The following HMGCL variants were observed in gnomAD, a reference collection of about 807,000 sequenced individuals.
The protein encoded by HMGCL is hydroxymethylglutaryl-CoA lyase, mitochondrial.
Under a neutral mutation model 37.3 loss-of-function variants are expected in HMGCL, and 26 were observed. That is an observed-to-expected ratio of 0.70 (90% CI 0.51 to 0.97). The LOEUF (loss-of-function observed/expected upper bound fraction) is 0.97. HMGCL is among the 50% of genes least tolerant of loss of function. The probability of loss-of-function intolerance (pLI) is 0.00; values close to 1 mark genes in which losing one functional copy is unlikely to be tolerated. For synonymous variants in HMGCL, 151 were observed against 148.0 expected (o/e 1.02, Z -0.15); for missense variants, 379 against 398.1 (o/e 0.95, Z 0.41).
At position 23,802,643 on chromosome 1, in the gene HMGCL, A is replaced by G. The variant is rs868115249; in HGVS notation, c.877-79T>C. 5 of 904,658 alleles carry G rather than the reference A, an allele frequency of 5.5e-6. No individual in the cohort carries two copies. The East Asian group carries it at 7.2e-5, about 13-fold the overall frequency. The allele number at this position is 904,658 out of a possible 1,614,324, so 56.0% of individuals were successfully genotyped here. A position where few individuals can be genotyped will look rare whatever the true frequency, so the allele number is the denominator to read the frequency against. ...GGGAAAACATCAGCATGGACAGACA[A>G]CTGTGATACTGAAAAGTAAAGGTGA... On this transcript the variant is annotated intron_variant, in intron 8 of 8. Transcript: ENST00000374490.
chr1:23,807,071 A>G (rs556419692), intron 7 of HMGCL: 1 of 519,068 alleles, frequency 1.9e-6, no homozygotes, highest in Non-Finnish European at 3.8e-6. Context: ...GGATTCTGAG[A>G]TATCACTGCC....
chr1:23,805,647 G>A (rs1304382945), intron 7 of HMGCL, among the ~76,000 whole-genome samples: 1 of 151,856 alleles, frequency 6.6e-6, no homozygotes, highest in Non-Finnish European at 1.5e-5. Flanking sequence ...AGCCTCTCCT[G>A]AGGCCTCGAT....
chr1:23,814,347 A>C lies in HMGCL; in HGVS notation c.349-9T>G, dbSNP rs751289124. 3 of 1,612,702 alleles carry C rather than the reference A, an allele frequency of 1.9e-6. No homozygotes were observed. The highest frequency in any genetic ancestry group is 2.7e-5 in the African/African-American group (2 of 74,778). On this transcript the variant is annotated splice_polypyrimidine_tract_variant and intron_variant, in intron 4 of 8. Transcript: ENST00000374490. ...TTGGCTCCAGCAGCAACCTGCCAAC[A>C]TCCAGGTGAACTCCTTTCAGCACTT... is the stretch of plus-strand genomic sequence containing the variant.
At chr1:23,808,097 CG>C (rs770568394) in intron 7 of HMGCL, 37 bp downstream of exon 7, 1 of 1,570,666 alleles carries the variant, frequency 6.4e-7, no homozygotes, top group Non-Finnish European at 8.8e-7. Context: ...TCCTGCCCAC[CG>C]TGACCTTTGG....
chr1:23,805,840 C>T (rs747170347), intron 7 of HMGCL, among the ~76,000 whole-genome samples: 1 of 152,200 alleles, frequency 6.6e-6, no homozygotes, highest in Non-Finnish European at 1.5e-5. Flanking sequence ...GGTCACGCAC[C>T]TCTGCCCTCC....
intron 3 of HMGCL, 113 bp downstream of exon 3, chr1:23,817,363 C>T: frequency 1.4e-6 from 1 of 700,732 alleles, no homozygotes; most frequent in South Asian, 1.6e-5. Flanking sequence ...CACCTGAGAC[C>T]TCTCAAAGCC....
rs1385572078 is a variant in HMGCL, at chr1:23,806,416, AC to A, written c.750+1718del. Among the ~76,000 whole-genome samples the A allele has an allele frequency of 6.6e-6, 1 of 151,878 alleles. No individual in the cohort carries two copies. Among genetic ancestry groups the A allele is most frequent in the African/African-American group, 2.4e-5 (1 of 41,316 alleles). On this transcript the variant is annotated intron_variant, in intron 7 of 8. Coordinates refer to ENST00000374490, the MANE Select transcript of HMGCL (RefSeq NM_000191.3). This position sits in a 1 kb window ranked among gnomAD's most constrained non-coding sequence, Gnocchi z 4.0. ...TCTCTGCCCCCCTCTCCTCAGTCAC[AC>A]TGCTCCCGCCACATGCCTCCTCCTG...
In HMGCL at chr1:23,804,876, A is replaced by ACC. The variant is rs138996016; in HGVS notation, c.751-353_751-352dup. Among the ~76,000 whole-genome samples, 231 of 61,332 alleles carry ACC rather than the reference A, an allele frequency of 3.8e-3. 2 individuals are homozygous for ACC. Among genetic ancestry groups the ACC allele is most frequent in the African/African-American group, 0.015 (209 of 14,384 alleles). The allele number at this position is 61,332 out of a possible 152,430, so 40.2% of individuals were successfully genotyped here. A position where few individuals can be genotyped will look rare whatever the true frequency, so the allele number is the denominator to read the frequency against. ...TGTTGTTTACTGTGATTCATTTATT[A>ACC]CCCCCCCCCCACTTACCCCCCACCA... is the stretch of plus-strand genomic sequence containing the variant. On this transcript the variant is annotated intron_variant, in intron 7 of 8. Coordinates refer to ENST00000374490, the MANE Select transcript of HMGCL (RefSeq NM_000191.3).
chr1:23,810,691 G>C, intron 6 of HMGCL, 45 bp downstream of exon 6: 1 of 1,563,592 alleles, frequency 6.4e-7, no homozygotes, highest in Non-Finnish European at 8.8e-7. Flanking sequence ...GGCAGACAAG[G>C]TGGCCAACCC....
Position 23,802,078 on chromosome 1 carries a change from G to A in HMGCL, c.*385C>T, listed in dbSNP as rs1213146850. Reference sequence around the variant, plus strand: ...AGAAGTCAGAGAGCAAGGGCCCCACGGCCATGGCAGGGTGGAGCCGTGTAG... The same window carrying A: ...AGAAGTCAGAGAGCAAGGGCCCCACAGCCATGGCAGGGTGGAGCCGTGTAG... On this transcript the variant is annotated 3_prime_UTR_variant, in exon 9 of 9. Coordinates refer to ENST00000374490, the MANE Select transcript of HMGCL (RefSeq NM_000191.3). 2.0e-6 allele frequency: 1 copy of A among 490,582 alleles called. No homozygotes were observed. The highest frequency in any genetic ancestry group is 3.6e-6 in the Non-Finnish European group (1 of 279,194). 30.4% of individuals were successfully genotyped at this position (490,582 alleles called of 1,614,324 possible). A position where few individuals can be genotyped will look rare whatever the true frequency, so the allele number is the denominator to read the frequency against.
chr1:23,814,547 T>G (rs570850890), intron 4 of HMGCL, among the ~76,000 whole-genome samples: 1 of 152,218 alleles, frequency 6.6e-6, no homozygotes, highest in Admixed American at 6.5e-5. Flanking sequence ...ATTTTTGTAT[T>G]TTTAGTAGAG....
chr1:23,821,102 T>C (rs576426742), intron 1 of HMGCL, among the ~76,000 whole-genome samples: 32 of 152,178 alleles, frequency 2.1e-4, no homozygotes, highest in Non-Finnish European at 4.6e-4. Flanking sequence ...ATGCCTGTAA[T>C]CCCAGTACTT....
At chr1:23,804,595 A>G in intron 7 of HMGCL, 70 bp from the exon 8 acceptor site, 1 of 1,549,788 alleles carries the variant, frequency 6.5e-7, no homozygotes, top group South Asian at 1.1e-5. Context: ...AGCCTTGCAA[A>G]CCTCCCAATC....
intron 6 of HMGCL, 187 bp downstream of exon 6, chr1:23,810,549 G>A (rs1638499751): frequency 6.5e-6 from 4 of 619,950 alleles, no homozygotes; most frequent in Admixed American, 4.7e-5. Context: ...CTACATGTTC[G>A]GCTAGGAGGG....
intron 8 of HMGCL, among the ~76,000 whole-genome samples, chr1:23,803,101 C>T (rs1216826290): frequency 6.6e-6 from 1 of 152,190 alleles, no homozygotes; most frequent in African/African-American, 2.4e-5. Flanking sequence ...ATGGCACGCT[C>T]TCAGCTCACT....
intron 5 of HMGCL, among the ~76,000 whole-genome samples, chr1:23,812,320 G>A (rs763601539): frequency 2.0e-5 from 3 of 152,206 alleles, no homozygotes; most frequent in African/African-American, 4.8e-5. Context: ...CCTGAAGGAT[G>A]AGCAGGAGTT....
At chr1:23,804,605 C>T (rs973455574) in intron 7 of HMGCL, 80 bp from the exon 8 acceptor site, 16 of 1,469,506 alleles carry the variant, frequency 1.1e-5, no homozygotes, top group South Asian at 5.8e-5. Flanking sequence ...ACCTCCCAAT[C>T]GTCTGTTGCC....
intron 7 of HMGCL, chr1:23,807,226 G>C: frequency 1.9e-6 from 1 of 518,946 alleles, no homozygotes; most frequent in Non-Finnish European, 3.8e-6. Context: ...CTGTCTGCCT[G>C]GCTGGGAAAC....
Position 23,808,287 on chromosome 1 carries a change from T to A in HMGCL, c.598A>T (p.Ile200Phe). The A allele has an allele frequency of 1.2e-6, 2 of 1,613,996 alleles. No homozygotes were observed. Among genetic ancestry groups the A allele is most frequent in the Non-Finnish European group, 1.7e-6 (2 of 1,179,978 alleles). The stretch of plus-strand genomic sequence containing the variant: ...ACACCAATGGTGTCCCCCAGGGAGA[T>A]CTCGTAGCAGCCCATTGAGTAGAAC... ...KKFYSMGCYE[I>F]SLGDTIGVGT... is the part of the protein sequence containing the mutation. The change falls in exon 7 of 9, where the codon ATC (isoleucine) becomes TTC (phenylalanine). Residue 200 changes from isoleucine to phenylalanine, a missense_variant. By Grantham distance (21) the Ile-to-Phe change is conservative. Transcript: ENST00000374490.
Sources: allele counts gnomAD v4.1 joint callset (sites outside exome capture counted in the v4.1 genomes callset), GRCh38; gene constraint gnomAD v4.1.1; non-coding constraint Gnocchi (gnomAD v3.1); transcripts MANE v1.5; gene names NCBI Gene and HGNC (gene_info 2026-07-23, HGNC 2026-07-21).